Variants in SLC25A24 observed in about 807,000 individuals in gnomAD.
The protein encoded by SLC25A24 is mitochondrial adenyl nucleotide antiporter SLC25A24.
A neutral mutation model predicts 60.7 loss-of-function variants in SLC25A24; 49 were observed. The ratio of observed to expected loss-of-function variants is 0.81; its 90% CI spans 0.64 to 1.02. The LOEUF is 1.02. SLC25A24 is among the 50% of genes least tolerant of loss of function. SLC25A24 has a pLI of 0.00. For synonymous variants in SLC25A24, 202 were observed against 200.6 expected, an observed-to-expected ratio of 1.01 and a Z score of -0.06; for missense variants, 564 against 586.3, an observed-to-expected ratio of 0.96 and a Z score of 0.39.
At chr1:108,158,184 T>G (rs1482709887) in intron 4 of SLC25A24, among the ~76,000 whole-genome samples, 7 of 152,198 alleles carry the variant, frequency 4.6e-5, no homozygotes, top group Non-Finnish European at 8.8e-5. Flanking sequence ...GACTTATCAT[T>G]TAAAACATGC....
Position 108,192,746 on chromosome 1 carries a change from C to T in SLC25A24, c.184-6792G>A, listed in dbSNP as rs1185690400. On this transcript the variant is annotated intron_variant, in intron 1 of 9. Coordinates refer to ENST00000565488, the MANE Select transcript of SLC25A24 (RefSeq NM_013386.5). ...GGAAGAGGCCTAAGACAGCATCCTC[C>T]TCAGGGGCGCCAAACACAATGCACC... 5.1e-6 allele frequency: 7 copies of T among 1,375,324 alleles called. No individual in the cohort carries two copies. The East Asian group carries it at 2.3e-4, about 45-fold the overall frequency. The allele number at this position is 1,375,324 out of a possible 1,614,324, so 85.2% of individuals were successfully genotyped here.
intron 8 of SLC25A24, among the ~76,000 whole-genome samples, chr1:108,140,854 G>T (rs2101597283): frequency 6.6e-6 from 1 of 150,618 alleles, no homozygotes; most frequent in East Asian, 1.9e-4. Context: ...CACAGAAGAA[G>T]CCAGGAAGAG....
intron 3 of SLC25A24, among the ~76,000 whole-genome samples, chr1:108,173,748 T>C (rs1647567185): frequency 6.6e-6 from 1 of 152,184 alleles, no homozygotes; most frequent in Non-Finnish European, 1.5e-5. Context: ...TCCCAGAGAC[T>C]TGTTGAATTG....
intron 1 of SLC25A24, among the ~76,000 whole-genome samples, chr1:108,190,968 T>A (rs1281169572): frequency 7.2e-6 from 1 of 139,536 alleles, no homozygotes; most frequent in African/African-American, 2.5e-5. Flanking sequence ...GCAAGACAGC[T>A]CTACAAACCT....
At chr1:108,169,041 G>A (rs1303513372) in intron 3 of SLC25A24, among the ~76,000 whole-genome samples, 3 of 152,130 alleles carry the variant, frequency 2.0e-5, no homozygotes, top group Admixed American at 6.5e-5. Flanking sequence ...TTGTCTGCAT[G>A]AGCACGAGCA....
chr1:108,185,164 C>T (rs1007571122), intron 2 of SLC25A24, among the ~76,000 whole-genome samples: 1 of 152,176 alleles, frequency 6.6e-6, no homozygotes, highest in Non-Finnish European at 1.5e-5. Context: ...CAACTTTGAA[C>T]TTCCCAGCCT....
intron 3 of SLC25A24, among the ~76,000 whole-genome samples, chr1:108,173,824 A>T (rs1381982134): frequency 2.6e-5 from 4 of 152,164 alleles, no homozygotes; most frequent in African/African-American, 9.6e-5. Context: ...TCAGATGGAG[A>T]TGAGGAACTT....
intron 1 of SLC25A24, among the ~76,000 whole-genome samples, chr1:108,187,927 G>GATAGATAGATAGATATATAT: frequency 7.3e-5 from 7 of 95,770 alleles, no homozygotes; most frequent in East Asian, 3.7e-4. Context: ...AGACATTATA[G>GATAGATAGATAGATATATAT]ATATATATAT....
At chr1:108,144,282 A>G (rs1222205246) in intron 7 of SLC25A24, among the ~76,000 whole-genome samples, 1 of 152,226 alleles carries the variant, frequency 6.6e-6, no homozygotes, top group Non-Finnish European at 1.5e-5. Context: ...TGCTATATCA[A>G]TAAATTCCAC....
chr1:108,157,749 C>T, intron 4 of SLC25A24, 129 bp from the exon 5 acceptor site: 1 of 956,152 alleles, frequency 1.0e-6, no homozygotes, highest in Non-Finnish European at 1.6e-6. Context: ...TTATACTAAA[C>T]CAATTTGAGT....
At chr1:108,199,778 C>A in intron 1 of SLC25A24, 178 bp downstream of exon 1, 1 of 600,160 alleles carries the variant, frequency 1.7e-6, no homozygotes, top group Non-Finnish European at 3.0e-6. Flanking sequence ...ACTTCTGTTA[C>A]CGGGGTCGCC....
intron 1 of SLC25A24, among the ~76,000 whole-genome samples, chr1:108,191,260 C>A (rs1648335699): frequency 7.2e-6 from 1 of 138,308 alleles, no homozygotes; most frequent in Admixed American, 8.2e-5. Context: ...GCCTCAGCCT[C>A]CTGGGACTAC....
intron 3 of SLC25A24, among the ~76,000 whole-genome samples, chr1:108,165,424 G>C (rs61797044): frequency 0.44 from 66,221 of 151,152 alleles, 14,555 homozygotes; most frequent in Middle Eastern, 0.58. Context: ...ATGTGTGGGA[G>C]TTTAAGTCTC....
intron 1 of SLC25A24, among the ~76,000 whole-genome samples, chr1:108,191,628 T>G (rs1648345723): frequency 7.2e-6 from 1 of 139,652 alleles, no homozygotes; most frequent in African/African-American, 2.5e-5. Flanking sequence ...GACCCATGAC[T>G]GAATGGATGC....
chr1:108,196,413 A>G (rs589073), intron 1 of SLC25A24, among the ~76,000 whole-genome samples: 37,049 of 152,136 alleles, frequency 0.24, 5,015 homozygotes, highest in African/African-American at 0.33. Flanking sequence ...TCTGTCCAGG[A>G]TGCAGGCAAG....
At chr1:108,195,971 G>A (rs576841281) in intron 1 of SLC25A24, among the ~76,000 whole-genome samples, 1 of 148,724 alleles carries the variant, frequency 6.7e-6, no homozygotes, top group Non-Finnish European at 1.5e-5. Flanking sequence ...CTGCACTCCA[G>A]CCTTGGTGAT....
At chr1:108,147,894 A>ACT (rs143754371) in intron 7 of SLC25A24, among the ~76,000 whole-genome samples, 20,425 of 149,498 alleles carry the variant, frequency 0.14, 1,588 homozygotes, top group South Asian at 0.22. Context: ...CATCTTAGGC[A>ACT]CTCTCTCTCT....
At chr1:108,180,965 T>C (rs570961) in intron 3 of SLC25A24, among the ~76,000 whole-genome samples, 3 of 152,092 alleles carry the variant, frequency 2.0e-5, no homozygotes, top group Admixed American at 6.5e-5. Flanking sequence ...CACTTTCCTA[T>C]AAGAATATTA....
chr1:108,197,582 G>C (rs1648530827), intron 1 of SLC25A24, among the ~76,000 whole-genome samples: 1 of 152,158 alleles, frequency 6.6e-6, no homozygotes. Context: ...TATCCCATGT[G>C]TGATGGTTAA....
Sources: gnomAD v4.1 joint callset for allele counts (sites outside exome capture counted in the v4.1 genomes callset) on GRCh38, gnomAD v4.1.1 for gene constraint, MANE v1.5 for transcripts, NCBI Gene and HGNC (gene_info 2026-07-23, HGNC 2026-07-21) for gene names.